Variants in PELI2 observed in about 807,000 individuals in gnomAD.
The protein encoded by PELI2 is E3 ubiquitin-protein ligase pellino homolog 2.
In PELI2, 23 loss-of-function variants were observed where a neutral mutation model predicts 42.3. The ratio of observed to expected loss-of-function variants is 0.54; its 90% CI spans 0.39 to 0.77. PELI2 has a LOEUF of 0.77. Among genes scored for constraint, PELI2 ranks in the 30% least tolerant of loss-of-function variants. The pLI, the probability that PELI2 is intolerant of heterozygous loss-of-function variation, is 0.00. For missense variants in PELI2, 463 were observed against 553.2 expected, an observed-to-expected ratio of 0.84 and a Z score of 1.64; for synonymous variants, 245 against 212.2, an observed-to-expected ratio of 1.15 and a Z score of -1.34.
chr14:56,126,882 T>C (rs920153220), intron 1 of PELI2, among the ~76,000 whole-genome samples: 1 of 152,232 alleles, frequency 6.6e-6, no homozygotes, highest in African/African-American at 2.4e-5. Flanking sequence ...ATGGTTTGGG[T>C]ACTTTCATCA....
At position 56,151,035 on chromosome 14, in the gene PELI2, C is replaced by G. The variant is rs1884332030; in HGVS notation, c.78-27300C>G. Among the ~76,000 whole-genome samples the G allele has an allele frequency of 2.6e-5, 4 of 152,330 alleles. No homozygotes were observed. In the South Asian group the frequency reaches 8.3e-4, roughly 32 times the overall value. On this transcript the variant is annotated intron_variant, in intron 1 of 5. Transcript: ENST00000267460. ...TATGAAAATGAAAGATTCAGGCACCCTTGTCATCTTTGTGGCTGGAACTTA... is the reference window on the plus strand; with the variant it reads ...TATGAAAATGAAAGATTCAGGCACCGTTGTCATCTTTGTGGCTGGAACTTA...
chr14:56,179,682 G>A (rs955101817), intron 2 of PELI2, among the ~76,000 whole-genome samples: 1 of 152,108 alleles, frequency 6.6e-6, no homozygotes, highest in Non-Finnish European at 1.5e-5. Flanking sequence ...GAAAGGAAGA[G>A]GTAAAATAAC....
intron 2 of PELI2, among the ~76,000 whole-genome samples, chr14:56,263,780 A>AT (rs1372078064): frequency 2.6e-5 from 4 of 152,222 alleles, no homozygotes; most frequent in African/African-American, 4.8e-5. Context: ...GGGTGCAAAC[A>AT]TTTTTATAGT....
intron 2 of PELI2, among the ~76,000 whole-genome samples, chr14:56,234,738 C>G (rs569120273): frequency 2.2e-5 from 3 of 136,720 alleles, no homozygotes; most frequent in African/African-American, 5.0e-5. Flanking sequence ...TACCCTAGAA[C>G]TTAAAGTATT....
intron 2 of PELI2, among the ~76,000 whole-genome samples, chr14:56,207,320 AT>A (rs1886553739): frequency 6.6e-6 from 1 of 152,166 alleles, no homozygotes; most frequent in Admixed American, 6.6e-5. Context: ...TCTAGTCACT[AT>A]GCTAATAATT....
chr14:56,204,114 C>T (rs1405149268), intron 2 of PELI2, among the ~76,000 whole-genome samples: 2 of 152,188 alleles, frequency 1.3e-5, no homozygotes, highest in Non-Finnish European at 2.9e-5. Flanking sequence ...GCTTGTTCAA[C>T]AGGGGCCGAT....
chr14:56,295,901 G>C lies in PELI2; in HGVS notation c.697-699G>C, dbSNP rs1052809567. On this transcript the variant is annotated intron_variant, in intron 5 of 5. Transcript: ENST00000267460. ...GCAGGATGGGGAAGAGGTTTTATTGGCCTTTGGTACCTCCAAGGCTTAGCA... is the reference window on the plus strand; with the variant it reads ...GCAGGATGGGGAAGAGGTTTTATTGCCCTTTGGTACCTCCAAGGCTTAGCA... 2.0e-5 allele frequency among the ~76,000 whole-genome samples: 3 copies of C among 152,340 alleles called. No individual in the cohort carries two copies. In the East Asian group the frequency reaches 5.8e-4, roughly 29 times the overall value.
Position 56,279,793 on chromosome 14 carries a change from T to C in PELI2, c.309+16T>C, listed in dbSNP as rs372956202. 3.0e-5 allele frequency: 42 copies of C among 1,389,514 alleles called. No homozygotes were observed. The highest frequency in any genetic ancestry group is 4.1e-5 in the Non-Finnish European group (41 of 991,720). 86.1% of individuals were successfully genotyped at this position (1,389,514 alleles called of 1,614,324 possible). On this transcript the variant is annotated intron_variant, in intron 3 of 5. Coordinates refer to ENST00000267460, the MANE Select transcript of PELI2 (RefSeq NM_021255.3). ...TATGTTTCAGGTAATATTTTTCTTT[T>C]TTAATAGAAATTTTAGCACGTTTTC... is the stretch of plus-strand genomic sequence containing the variant.
chr14:56,195,915 A>G (rs191641162), intron 2 of PELI2, among the ~76,000 whole-genome samples: 32 of 152,356 alleles, frequency 2.1e-4, no homozygotes, highest in Admixed American at 1.8e-3. Flanking sequence ...TCCGGACAGG[A>G]GAGCATGGCC....
intron 2 of PELI2, among the ~76,000 whole-genome samples, chr14:56,269,717 C>T (rs1003888113): frequency 3.3e-5 from 5 of 152,118 alleles, no homozygotes; most frequent in African/African-American, 1.2e-4. Flanking sequence ...GGAGATTCAG[C>T]CCAATCTGTA....
chr14:56,247,076 T>A (rs1466330245), intron 2 of PELI2, among the ~76,000 whole-genome samples: 1 of 152,176 alleles, frequency 6.6e-6, no homozygotes, highest in Non-Finnish European at 1.5e-5. Context: ...AAGATTGAGT[T>A]AATAAATATA....
chr14:56,272,210 C>T (rs1300536708), intron 2 of PELI2, among the ~76,000 whole-genome samples: 3 of 152,174 alleles, frequency 2.0e-5, no homozygotes, highest in Non-Finnish European at 4.4e-5. Flanking sequence ...AGTCAACTTC[C>T]GGGATGTCTA....
chr14:56,282,165 A>G (rs1889501599), intron 3 of PELI2, among the ~76,000 whole-genome samples: 1 of 152,158 alleles, frequency 6.6e-6, no homozygotes, highest in South Asian at 2.1e-4. Flanking sequence ...AATGTTCTTC[A>G]GTAGTGGACC....
intron 2 of PELI2, among the ~76,000 whole-genome samples, chr14:56,261,591 A>G (rs770412251): frequency 6.6e-6 from 1 of 152,222 alleles, no homozygotes; most frequent in Non-Finnish European, 1.5e-5. Flanking sequence ...AGAAAAGAGT[A>G]TGCAGTGCAG....
At chr14:56,285,833 G>T (rs139759519) in intron 3 of PELI2, among the ~76,000 whole-genome samples, 1 of 152,088 alleles carries the variant, frequency 6.6e-6, no homozygotes, top group Non-Finnish European at 1.5e-5. Flanking sequence ...GGAGCCTGGG[G>T]CTTGCTTGCA....
rs532592233 is a variant in PELI2 at position 56,299,826 on chromosome 14, G to A, written c.*2660G>A. 32 of 152,294 alleles carry A rather than the reference G, an allele frequency of 2.1e-4. No homozygotes were observed. Among genetic ancestry groups the A allele is most frequent in the African/African-American group, 7.0e-4 (29 of 41,544 alleles). 9.4% of individuals were successfully genotyped at this position (152,294 alleles called of 1,614,324 possible). A position where few individuals can be genotyped will look rare whatever the true frequency, so the allele number is the denominator to read the frequency against. ...GGCCTGACTCTAATGCCTTTTGCAA[G>A]TAGCTTTCCAGAAGTAAAAGTCCCA... On this transcript the variant is annotated 3_prime_UTR_variant, in exon 6 of 6. Coordinates refer to ENST00000267460, the MANE Select transcript of PELI2 (RefSeq NM_021255.3).
Position 56,188,500 on chromosome 14 carries a change from C to T in PELI2, c.207+10036C>T, listed in dbSNP as rs138413865. Among the ~76,000 whole-genome samples the T allele has an allele frequency of 1.3e-3, 195 of 152,272 alleles. 1 individual carries two copies. Among genetic ancestry groups the T allele is most frequent in the African/African-American group, 4.5e-3 (187 of 41,544 alleles). On this transcript the variant is annotated intron_variant, in intron 2 of 5. Transcript: ENST00000267460. ...TGTATCATAAAATGACCATTGAAAA[C>T]TTGGTTTTTAGCCACTGCATAGTAT...
intron 2 of PELI2, among the ~76,000 whole-genome samples, chr14:56,244,137 G>A (rs769441195): frequency 6.6e-6 from 1 of 152,124 alleles, no homozygotes; most frequent in Non-Finnish European, 1.5e-5. Context: ...TAAGGGCCCA[G>A]AATATAGAAC....
intron 2 of PELI2, among the ~76,000 whole-genome samples, chr14:56,196,166 C>T (rs1451414385): frequency 1.3e-5 from 2 of 152,140 alleles, no homozygotes; most frequent in African/African-American, 4.8e-5. Flanking sequence ...AATTTAAAGG[C>T]TACAGAGAAG....
Sources: gnomAD v4.1 joint callset for allele counts (sites outside exome capture counted in the v4.1 genomes callset) on GRCh38, gnomAD v4.1.1 for gene constraint, MANE v1.5 for transcripts, NCBI Gene and HGNC (gene_info 2026-07-23, HGNC 2026-07-21) for gene names.